The following SUGCT variants were observed in gnomAD, a reference collection of about 807,000 sequenced individuals.
SUGCT encodes the protein succinyl-CoA:glutarate-CoA transferase, also known as succinyl-CoA:glutarate CoA-transferase.
Under a neutral mutation model 55.0 loss-of-function variants are expected in SUGCT, and 41 were observed. The observed-to-expected ratio is 0.74, with a 90% CI of 0.58 to 0.97. The LOEUF (loss-of-function observed/expected upper bound fraction) is 0.97. Ranked by LOEUF, SUGCT falls within the 50% of genes least tolerant of loss-of-function variation. The pLI, the probability that SUGCT is intolerant of heterozygous loss-of-function variation, is 0.00. For synonymous variants in SUGCT, 187 were observed against 200.4 expected, an observed-to-expected ratio of 0.93 and a Z score of 0.56; for missense variants, 568 against 547.8, an observed-to-expected ratio of 1.04 and a Z score of -0.37.
chr7:40,322,902 C>T (rs554667825), intron 9 of SUGCT, among the ~76,000 whole-genome samples: 7 of 152,006 alleles, frequency 4.6e-5, no homozygotes, highest in African/African-American at 9.6e-5. Flanking sequence ...AAGGTTGAGG[C>T]TACAGTGAGC....
intron 1 of SUGCT, among the ~76,000 whole-genome samples, chr7:40,162,380 G>A (rs1784216814): frequency 6.6e-6 from 1 of 152,160 alleles, no homozygotes; most frequent in South Asian, 2.1e-4. Context: ...GTGAAAGAAG[G>A]CTTACTTACA....
chr7:40,417,690 A>G (rs557791262), intron 9 of SUGCT, among the ~76,000 whole-genome samples: 1 of 146,244 alleles, frequency 6.8e-6, no homozygotes, highest in Non-Finnish European at 1.5e-5. Context: ...AATTATATTT[A>G]TGTATTTATA....
chr7:40,317,414 A>G (rs1486079755), intron 9 of SUGCT, among the ~76,000 whole-genome samples: 2 of 152,192 alleles, frequency 1.3e-5, no homozygotes, highest in Non-Finnish European at 1.5e-5. Context: ...GTGATCTTTC[A>G]AAAATAAAAT....
chr7:40,607,861 A>G (rs1157646438), intron 12 of SUGCT, among the ~76,000 whole-genome samples: 4 of 152,188 alleles, frequency 2.6e-5, no homozygotes, highest in African/African-American at 9.7e-5. Flanking sequence ...GACCTAGTGA[A>G]TTACAGAACT....
intron 12 of SUGCT, among the ~76,000 whole-genome samples, chr7:40,747,782 T>C (rs1389760727): frequency 1.3e-5 from 2 of 152,118 alleles, no homozygotes; most frequent in African/African-American, 2.4e-5. Flanking sequence ...TAGCCTCCAA[T>C]TGTTTTTTTT....
chr7:40,594,275 T>C (rs1797881616), intron 12 of SUGCT, among the ~76,000 whole-genome samples: 1 of 149,142 alleles, frequency 6.7e-6, no homozygotes, highest in Non-Finnish European at 1.5e-5. Flanking sequence ...TGTATACATA[T>C]GTAACTAACC....
intron 6 of SUGCT, among the ~76,000 whole-genome samples, chr7:40,195,388 A>T (rs770619009): frequency 4.9e-4 from 75 of 151,528 alleles, no homozygotes; most frequent in Non-Finnish European, 7.1e-4. Context: ...ACGCCCAGCT[A>T]ATTTTTGTAT....
At chr7:40,598,574 C>T (rs1463963207) in intron 12 of SUGCT, among the ~76,000 whole-genome samples, 1 of 152,320 alleles carries the variant, frequency 6.6e-6, no homozygotes, top group African/African-American at 2.4e-5. Flanking sequence ...AGAAGAGGGA[C>T]TGTTCACGTA....
At chr7:40,488,604 C>T (rs960339105) in intron 11 of SUGCT, among the ~76,000 whole-genome samples, 2 of 152,136 alleles carry the variant, frequency 1.3e-5, no homozygotes, top group Admixed American at 6.5e-5. Context: ...ATTACTCACT[C>T]ATGTCCTTTT....
At chr7:40,451,305 C>G (rs947603063) in intron 10 of SUGCT, among the ~76,000 whole-genome samples, 1 of 152,168 alleles carries the variant, frequency 6.6e-6, no homozygotes, top group African/African-American at 2.4e-5. Flanking sequence ...TTGAAAATAA[C>G]TGTACTGAAT....
chr7:40,983,655 C>A, the SUGCT span, among the ~76,000 whole-genome samples: 1 of 152,134 alleles, frequency 6.6e-6, no homozygotes, highest in Admixed American at 6.6e-5. Context: ...ATAATTGCTT[C>A]ATTTTTGTGA....
chr7:40,740,182 T>A (rs1245162317), intron 12 of SUGCT, among the ~76,000 whole-genome samples: 3 of 152,098 alleles, frequency 2.0e-5, no homozygotes, highest in Admixed American at 2.0e-4. Flanking sequence ...TTAATGGTGT[T>A]GTTTTTAATT....
At chr7:40,222,645 C>A (rs1321273596) in intron 6 of SUGCT, among the ~76,000 whole-genome samples, 1 of 152,264 alleles carries the variant, frequency 6.6e-6, no homozygotes, top group Admixed American at 6.5e-5. Flanking sequence ...AGTTCAAGAC[C>A]AGCCTGGCTA....
At chr7:40,828,757 A>T (rs772144592) in intron 13 of SUGCT, among the ~76,000 whole-genome samples, 12 of 152,156 alleles carry the variant, frequency 7.9e-5, no homozygotes, top group Non-Finnish European at 1.5e-4. Flanking sequence ...CCTCAATATC[A>T]TCATAATGGT....
intron 12 of SUGCT, among the ~76,000 whole-genome samples, chr7:40,620,093 C>T (rs1011381588): frequency 6.6e-6 from 1 of 152,174 alleles, no homozygotes; most frequent in African/African-American, 2.4e-5. Context: ...GGAATATTCT[C>T]CTTTTAGAAT....
chr7:40,464,915 A>G (rs1490107616), intron 11 of SUGCT, among the ~76,000 whole-genome samples: 1 of 152,268 alleles, frequency 6.6e-6, no homozygotes, highest in Non-Finnish European at 1.5e-5. Flanking sequence ...TTATTGGGAC[A>G]TAATACCTTC....
At chr7:41,002,997 C>A in the SUGCT span, among the ~76,000 whole-genome samples, 1 of 152,034 alleles carries the variant, frequency 6.6e-6, no homozygotes, top group African/African-American at 2.4e-5. Context: ...TATGGGCATT[C>A]ATAAATACTG....
intron 8 of SUGCT, among the ~76,000 whole-genome samples, chr7:40,300,582 T>C (rs1158751096): frequency 2.0e-5 from 3 of 152,226 alleles, no homozygotes; most frequent in African/African-American, 7.2e-5. Context: ...GCAGATCATA[T>C]GCAAATGTGC....
intron 9 of SUGCT, among the ~76,000 whole-genome samples, chr7:40,386,295 C>T (rs961859739): frequency 1.3e-5 from 2 of 152,110 alleles, no homozygotes; most frequent in African/African-American, 2.4e-5. Flanking sequence ...AGGAATGTCT[C>T]GAGCCGTAAT....
Sources: gnomAD v4.1 joint callset for allele counts (sites outside exome capture counted in the v4.1 genomes callset) on GRCh38, gnomAD v4.1.1 for gene constraint, MANE v1.5 for transcripts, NCBI Gene and HGNC (gene_info 2026-07-23, HGNC 2026-07-21) for gene names.